AGMO: variants seen among roughly 807,000 people sequenced by gnomAD.
AGMO encodes glyceryl-ether monooxygenase.
Under a neutral mutation model 60.2 loss-of-function variants are expected in AGMO, and 75 were observed. The observed-to-expected ratio is 1.25, with a 90% confidence interval of 1.03 to 1.51. The LOEUF is 1.51. Ranked by LOEUF, AGMO falls within the 40% of genes most tolerant of loss-of-function variation. AGMO has a pLI of 0.00. For synonymous variants in AGMO, 261 were observed against 177.1 expected (o/e 1.47, Z -3.76); for missense variants, 763 against 525.5 (o/e 1.45, Z -4.42).
At chr7:15,311,530 C>A (rs1048968910) in intron 12 of AGMO, among the ~76,000 whole-genome samples, 1 of 152,086 alleles carries the variant, frequency 6.6e-6, no homozygotes, top group African/African-American at 2.4e-5. Context: ...CCAATCCGGG[C>A]TCAGATGTGC....
intron 12 of AGMO, among the ~76,000 whole-genome samples, chr7:15,234,953 G>A (rs1029993679): frequency 2.1e-4 from 32 of 152,034 alleles, no homozygotes; most frequent in African/African-American, 3.4e-4. Flanking sequence ...TACTTTTTCC[G>A]TTTTAGCTTT....
chr7:15,187,897 A>G, the AGMO span, among the ~76,000 whole-genome samples: 1 of 85,356 alleles, frequency 1.2e-5, no homozygotes, highest in African/African-American at 5.4e-5. Context: ...ACAAGGATTA[A>G]CTCCCCCCCG....
chr7:15,377,822 G>A (rs1783513738), intron 10 of AGMO, among the ~76,000 whole-genome samples: 1 of 151,958 alleles, frequency 6.6e-6, no homozygotes, highest in Non-Finnish European at 1.5e-5. Context: ...GAGGGGTTAT[G>A]AGACCTTACT....
At chr7:15,383,849 C>A (rs983487788) in intron 10 of AGMO, among the ~76,000 whole-genome samples, 2 of 152,056 alleles carry the variant, frequency 1.3e-5, no homozygotes, top group East Asian at 3.9e-4. Context: ...TTCTTCATAT[C>A]TGAAGATAAC....
chr7:15,497,035 T>C (rs1295564575), intron 3 of AGMO, among the ~76,000 whole-genome samples: 1 of 152,138 alleles, frequency 6.6e-6, no homozygotes, highest in Non-Finnish European at 1.5e-5. Flanking sequence ...ATGGATTTTA[T>C]AAAAAGCTTC....
intron 2 of AGMO, 70 bp from the exon 3 acceptor site, chr7:15,544,993 G>A (rs1784738008): frequency 9.0e-7 from 1 of 1,107,904 alleles, no homozygotes; most frequent in Non-Finnish European, 1.2e-6. Context: ...AAATGTTTTA[G>A]ATAACATTTA....
At chr7:15,159,151 A>AG in the AGMO span, among the ~76,000 whole-genome samples, 1 of 152,166 alleles carries the variant, frequency 6.6e-6, no homozygotes, top group African/African-American at 2.4e-5. Context: ...ACAAAAGTAC[A>AG]GGTCCCTCAA....
At chr7:15,128,023 T>C in the AGMO span, among the ~76,000 whole-genome samples, 73 of 152,216 alleles carry the variant, frequency 4.8e-4, no homozygotes, top group Middle Eastern at 0.01. Context: ...TTGCTTGTAG[T>C]TTGGATATAC....
chr7:15,373,844 C>A (rs1042817742), intron 10 of AGMO, among the ~76,000 whole-genome samples: 1 of 151,988 alleles, frequency 6.6e-6, no homozygotes, highest in East Asian at 1.9e-4. Context: ...CTAAAAGGTG[C>A]CTGACAAGGT....
chr7:15,306,433 TA>T, intron 12 of AGMO: 1 of 452,294 alleles, frequency 2.2e-6, no homozygotes, highest in South Asian at 1.7e-5. Flanking sequence ...GAGAACTGGA[TA>T]ATAGGAAACA....
chr7:15,181,875 T>G, the AGMO span, among the ~76,000 whole-genome samples: 12 of 152,262 alleles, frequency 7.9e-5, no homozygotes, highest in African/African-American at 2.4e-4. Context: ...AGATAAAATC[T>G]GTAATCTATT....
chr7:15,530,687 T>C (rs544405592), intron 3 of AGMO, among the ~76,000 whole-genome samples: 256 of 135,240 alleles, frequency 1.9e-3, no homozygotes, highest in Middle Eastern at 6.3e-3. Flanking sequence ...ATTCTATATA[T>C]GTATTTCTAC....
chr7:15,389,482 T>C (rs1002708393), intron 8 of AGMO, among the ~76,000 whole-genome samples: 2 of 152,192 alleles, frequency 1.3e-5, no homozygotes, highest in South Asian at 4.1e-4. Context: ...TTAATCAAGA[T>C]ACAGACACAG....
At chr7:15,529,185 A>G (rs1433637284) in intron 3 of AGMO, among the ~76,000 whole-genome samples, 1 of 152,064 alleles carries the variant, frequency 6.6e-6, no homozygotes, top group Non-Finnish European at 1.5e-5. Flanking sequence ...AGGTATAATC[A>G]TGGTGTTTTT....
intron 12 of AGMO, among the ~76,000 whole-genome samples, chr7:15,227,731 A>T (rs1348413767): frequency 6.6e-6 from 1 of 152,082 alleles, no homozygotes; most frequent in African/African-American, 2.4e-5. Context: ...ACACATGCCC[A>T]AGGACTTTGA....
chr7:15,389,167 C>G (rs1197271731), intron 8 of AGMO, among the ~76,000 whole-genome samples: 8 of 152,164 alleles, frequency 5.3e-5, no homozygotes, highest in Non-Finnish European at 1.2e-4. Flanking sequence ...TGGCATCATA[C>G]AGAGGCTTGT....
chr7:15,207,476 T>C (rs998980082), intron 12 of AGMO, among the ~76,000 whole-genome samples: 1 of 152,250 alleles, frequency 6.6e-6, no homozygotes, highest in African/African-American at 2.4e-5. Context: ...CCTTTCCTTA[T>C]AAACACCGAC....
At chr7:15,195,039 T>A in the AGMO span, among the ~76,000 whole-genome samples, 4 of 152,272 alleles carry the variant, frequency 2.6e-5, no homozygotes, top group African/African-American at 9.6e-5. Flanking sequence ...CCATTATGTA[T>A]GGACATCTTT....
chr7:15,120,245 C>A, the AGMO span, among the ~76,000 whole-genome samples: 1 of 152,082 alleles, frequency 6.6e-6, no homozygotes, highest in Non-Finnish European at 1.5e-5. Flanking sequence ...CACCACTCCA[C>A]TAAAAATGCT....
Sources: gnomAD v4.1 joint callset for allele counts (sites outside exome capture counted in the v4.1 genomes callset) on GRCh38, gnomAD v4.1.1 for gene constraint, MANE v1.5 for transcripts, NCBI Gene and HGNC (gene_info 2026-07-23, HGNC 2026-07-21) for gene names.